Variants in AGXT observed in about 807,000 individuals in gnomAD.
AGXT encodes alanine--glyoxylate aminotransferase.
A neutral mutation model predicts 46.9 loss-of-function variants in AGXT; 41 were observed. That is an observed-to-expected ratio of 0.88 (90% CI 0.68 to 1.14). AGXT has a LOEUF of 1.14. Ranked by LOEUF, AGXT falls within the 50% of genes most tolerant of loss-of-function variation. The pLI is 0.00. For synonymous variants in AGXT, 244 were observed against 227.9 expected, an observed-to-expected ratio of 1.07 and a Z score of -0.64; for missense variants, 525 against 522.7, an observed-to-expected ratio of 1.00 and a Z score of -0.04.
chr2:240,871,212 C>G, intron 3 of AGXT, 137 bp from the exon 4 acceptor site: 1 of 752,318 alleles, frequency 1.3e-6, no homozygotes. Context: ...CCTCCTCCTC[C>G]CATGCACACC....
intron 5 of AGXT, chr2:240,873,366 T>G: frequency 2.6e-6 from 1 of 385,024 alleles, no homozygotes; most frequent in Non-Finnish European, 4.8e-6. Context: ...CTCCAGTCAA[T>G]CAGGCGTTGG....
At position 240,868,892 on chromosome 2, in the gene AGXT, C is replaced by G. The variant is rs180177188; in HGVS notation, c.27C>G (p.Thr9=). 50 of 1,612,924 alleles carry G rather than the reference C, an allele frequency of 3.1e-5. No individual in the cohort carries two copies. The Middle Eastern group carries it at 5.0e-4, about 16-fold the overall frequency. The change falls in exon 1 of 11, where the codon ACC becomes ACG. Residue 9 remains threonine (T), a synonymous_variant. Transcript: ENST00000307503. MASHKLLV[T]PPKALLKPLS... The stretch of plus-strand genomic sequence containing the variant: ...TGGCCTCTCACAAGCTGCTGGTGAC[C>G]CCCCCCAAGGCCCTGCTCAAGCCCC...
Position 240,879,155 on chromosome 2 carries a change from G to T in AGXT, c.*334G>T, listed in dbSNP as rs182421127. On this transcript the variant is annotated 3_prime_UTR_variant, in exon 11 of 11. Coordinates refer to ENST00000307503, the MANE Select transcript of AGXT (RefSeq NM_000030.3). ...TGGTCTGTGAAAGAGTGAGAGGAGA[G>T]CATCTCTGCTCCCTGAGCTGCCTGA... 5.1e-4 allele frequency: 221 copies of T among 436,444 alleles called. 1 individual carries two copies. The East Asian group carries it at 8.4e-3, about 17-fold the overall frequency. 27.0% of individuals were successfully genotyped at this position (436,444 alleles called of 1,614,324 possible). A position where few individuals can be genotyped will look rare whatever the true frequency, so the allele number is the denominator to read the frequency against.
At chr2:240,874,293 C>G (rs80324478) in intron 6 of AGXT, among the ~76,000 whole-genome samples, 3,115 of 152,288 alleles carry the variant, frequency 0.02, 104 homozygotes, top group African/African-American at 0.071. Context: ...GTCCACTGCT[C>G]TGGAAGTTCC....
chr2:240,872,327 G>GAGGAGGAGGGTGAGAGTTCGTGAACATGC (rs1559569215), intron 4 of AGXT, among the ~76,000 whole-genome samples: 1,227 of 63,538 alleles, frequency 0.019, 22 homozygotes, highest in African/African-American at 0.03. Context: ...GAACATGGAG[G>GAGGAGGAGGGTGAGAGTTCGTGAACATGC]AGGAGGAGGG....
chr2:240,875,993 A>G lies in AGXT; in HGVS notation c.835A>G (p.Ile279Val). The G allele has an allele frequency of 1.2e-6, 2 of 1,614,172 alleles. No individual in the cohort carries two copies. The highest frequency in any genetic ancestry group is 1.7e-6 in the Non-Finnish European group (2 of 1,180,022). ...LYSLRESLALIAEQGLENSWR... is the reference protein window; with the variant it reads ...LYSLRESLALVAEQGLENSWR... ...CAGCCTGAGAGAGAGCCTGGCCCTC[A>G]TTGCGGAACAGGTGCATGGGCTGCA... The change falls in exon 8 of 11, where the codon ATT (isoleucine) becomes GTT (valine). Residue 279 changes from isoleucine to valine, a missense_variant. Coordinates refer to ENST00000307503, the MANE Select transcript of AGXT (RefSeq NM_000030.3).
chr2:240,871,099 C>A (rs1437326797), intron 3 of AGXT: 2 of 598,122 alleles, frequency 3.3e-6, no homozygotes, highest in Non-Finnish European at 6.0e-6. Context: ...CATCTAGCAA[C>A]AGCCCTCACA....
Position 240,878,142 on chromosome 2 carries a change from A to G in AGXT, c.1063A>G (p.Thr355Ala). Residue 355 changes from threonine (T) to alanine (A), a missense_variant, in exon 10 of 11, where the codon ACG (threonine) becomes GCG (alanine). Coordinates refer to ENST00000307503, the MANE Select transcript of AGXT (RefSeq NM_000030.3). The part of the protein sequence containing the change: ...IEIMGGLGPS[T>A]GKVLRIGLLG... Reference sequence around the variant, plus strand: ...GATCATGGGTGGCCTTGGGCCCTCCACGGGGAAGGTGAGAGGGAGCGCCTC... The same window carrying G: ...GATCATGGGTGGCCTTGGGCCCTCCGCGGGGAAGGTGAGAGGGAGCGCCTC... 2 of 1,612,962 alleles carry G rather than the reference A, an allele frequency of 1.2e-6. No individual in the cohort carries two copies. Among genetic ancestry groups the G allele is most frequent in the Non-Finnish European group, 1.7e-6 (2 of 1,179,960 alleles).
chr2:240,876,858 A>C (rs1344887102), intron 8 of AGXT: 1 of 174,004 alleles, frequency 5.7e-6, no homozygotes, highest in Non-Finnish European at 1.2e-5. Flanking sequence ...TGGGCAGAGA[A>C]GGAAGAGAAC....
chr2:240,870,289 G>A (rs1198966745), intron 2 of AGXT, among the ~76,000 whole-genome samples: 3 of 152,042 alleles, frequency 2.0e-5, no homozygotes, highest in Non-Finnish European at 4.4e-5. Context: ...CCTGGACCAG[G>A]TACACTCTTT....
intron 2 of AGXT, among the ~76,000 whole-genome samples, chr2:240,869,955 C>G (rs1414031895): frequency 6.6e-6 from 1 of 152,188 alleles, no homozygotes; most frequent in Non-Finnish European, 1.5e-5. Context: ...GCGACCGCAA[C>G]AGCCAAGAGG....
Position 240,878,790 on chromosome 2 carries a change from C to T in AGXT, c.1148C>T (p.Ala383Val). ...VDRVTEALRAALQHCPKKKL is the reference protein window; with the variant it reads ...VDRVTEALRAVLQHCPKKKL ...CGCGTGACGGAGGCCCTGAGGGCGG[C>T]CCTGCAGCACTGCCCCAAGAAGAAG... The change falls in exon 11 of 11, where the codon GCC becomes GTC. Residue 383 changes from alanine (A) to valine (V), a missense_variant. Transcript: ENST00000307503. 1 of 1,594,588 alleles carries T rather than the reference C, an allele frequency of 6.3e-7. No homozygotes were observed.
At chr2:240,876,303 G>C (rs1193929163) in intron 8 of AGXT, among the ~76,000 whole-genome samples, 1 of 152,198 alleles carries the variant, frequency 6.6e-6, no homozygotes, top group African/African-American at 2.4e-5. Context: ...TGGGAGAAGG[G>C]GAGGCCGAAG....
At chr2:240,869,967 TC>T (rs1248126443) in intron 2 of AGXT, among the ~76,000 whole-genome samples, 1 of 151,950 alleles carries the variant, frequency 6.6e-6, no homozygotes, top group Admixed American at 6.6e-5. Flanking sequence ...GCCAAGAGGG[TC>T]CCAACCCCAA....
At chr2:240,878,626 G>A in intron 10 of AGXT, 88 bp from the exon 11 acceptor site, 1 of 1,283,758 alleles carries the variant, frequency 7.8e-7, no homozygotes, top group East Asian at 2.5e-5. Flanking sequence ...TCACTCAGGT[G>A]AGCCCATCCT....
chr2:240,869,796 A>C (rs2058981673), intron 2 of AGXT, among the ~76,000 whole-genome samples: 1 of 152,236 alleles, frequency 6.6e-6, no homozygotes, highest in South Asian at 2.1e-4. Context: ...GATACACAAA[A>C]TATGGAGGTA....
At chr2:240,874,086 C>T (rs760322098) in intron 6 of AGXT, 24 bp downstream of exon 6, 2 of 1,607,962 alleles carry the variant, frequency 1.2e-6, no homozygotes, top group South Asian at 1.1e-5. Context: ...AGACCCTCAC[C>T]TCTGTGCAGG....
At position 240,879,216 on chromosome 2, in the gene AGXT, C is replaced by G; in HGVS notation, c.*395C>G. 3.2e-6 allele frequency: 1 copy of G among 314,808 alleles called. No individual in the cohort carries two copies. The highest frequency in any genetic ancestry group is 6.1e-6 in the Non-Finnish European group (1 of 163,740). 19.5% of individuals were successfully genotyped at this position (314,808 alleles called of 1,614,324 possible). ...TAGGGGGACACTCCTCATCCTGGAG[C>G]CCACAGGGTAGATCCTCCCCTGGAG... On this transcript the variant is annotated 3_prime_UTR_variant, in exon 11 of 11. Transcript: ENST00000307503.
rs529560311 is a variant in AGXT, at chr2:240,880,223, T to G, written c.*1402T>G. On this transcript the variant is annotated 3_prime_UTR_variant, in exon 11 of 11. Coordinates refer to ENST00000307503, the MANE Select transcript of AGXT (RefSeq NM_000030.3). ...GCCACGAAATTCTCCGAAGTGGCTC[T>G]TCCATGTTTCATTCCCGCAGCTACA... 1 of 152,336 alleles carries G rather than the reference T, an allele frequency of 6.6e-6. No individual in the cohort carries two copies. Among genetic ancestry groups the G allele is most frequent in the East Asian group, 1.9e-4 (1 of 5,194 alleles). The allele number at this position is 152,336 out of a possible 1,614,324, so 9.4% of individuals were successfully genotyped here.
Sources: allele counts gnomAD v4.1 joint callset (sites outside exome capture counted in the v4.1 genomes callset), GRCh38; gene constraint gnomAD v4.1.1; transcripts MANE v1.5; gene names NCBI Gene and HGNC (gene_info 2026-07-23, HGNC 2026-07-21).